Variants in PCSK2 observed in about 807,000 individuals in gnomAD.
The protein encoded by PCSK2 is proprotein convertase subtilisin/kexin type 2.
A neutral mutation model predicts 69.7 loss-of-function variants in PCSK2; 14 were observed. The ratio of observed to expected loss-of-function variants is 0.20; its 90% CI spans 0.13 to 0.31. The LOEUF is 0.31. PCSK2 is among the 10% of genes least tolerant of loss of function. PCSK2 has a pLI of 1.00. For synonymous variants in PCSK2, 307 were observed against 320.7 expected (o/e 0.96, Z 0.46); for missense variants, 544 against 842.5 (o/e 0.65, Z 4.39).
chr20:17,369,204 AC>A (rs2030685322), intron 4 of PCSK2, 35 bp from the exon 5 acceptor site: 11 of 1,602,496 alleles, frequency 6.9e-6, no homozygotes, highest in Non-Finnish European at 9.4e-6. Flanking sequence ...GCAGGTATTA[AC>A]CTTTGGTTCC....
intron 2 of PCSK2, among the ~76,000 whole-genome samples, chr20:17,261,692 A>G: frequency 6.6e-6 from 1 of 152,204 alleles, no homozygotes; most frequent in Admixed American, 6.5e-5. Flanking sequence ...ACCTGGGGAT[A>G]CCCTTGGGCA....
intron 4 of PCSK2, among the ~76,000 whole-genome samples, chr20:17,364,477 G>C (rs996411422): frequency 2.0e-5 from 3 of 152,136 alleles, no homozygotes; most frequent in East Asian, 3.9e-4. Flanking sequence ...CGATCATGGC[G>C]GGAGATGAAA....
At chr20:17,353,003 A>T (rs2123199289) in intron 2 of PCSK2, among the ~76,000 whole-genome samples, 1 of 152,284 alleles carries the variant, frequency 6.6e-6, no homozygotes. Context: ...CAAAAAAAAA[A>T]TCCCTATTTT....
intron 5 of PCSK2, among the ~76,000 whole-genome samples, chr20:17,394,645 A>G (rs1277457112): frequency 6.6e-6 from 1 of 152,186 alleles, no homozygotes; most frequent in Non-Finnish European, 1.5e-5. Flanking sequence ...GTCATCTCCA[A>G]AAGGTCTAGG....
At chr20:17,271,255 G>A (rs569275993) in intron 2 of PCSK2, among the ~76,000 whole-genome samples, 13 of 151,682 alleles carry the variant, frequency 8.6e-5, no homozygotes, top group African/African-American at 2.4e-4. Context: ...TTCTTGTCTC[G>A]GGGGAAATAT....
intron 2 of PCSK2, among the ~76,000 whole-genome samples, chr20:17,349,460 A>T (rs1479322837): frequency 6.6e-6 from 1 of 152,182 alleles, no homozygotes; most frequent in Non-Finnish European, 1.5e-5. Flanking sequence ...TTACTCTGTC[A>T]CTATCTGGTG....
chr20:17,326,747 G>A (rs1156255846), intron 2 of PCSK2, among the ~76,000 whole-genome samples: 1 of 152,176 alleles, frequency 6.6e-6, no homozygotes, highest in South Asian at 2.1e-4. Context: ...TACAAATGAC[G>A]GATTTGTTAT....
chr20:17,472,694 G>A (rs2033222761), intron 11 of PCSK2, among the ~76,000 whole-genome samples: 1 of 152,142 alleles, frequency 6.6e-6, no homozygotes, highest in African/African-American at 2.4e-5. Flanking sequence ...AGCCTCCTGA[G>A]TAGCTGGGAC....
In PCSK2 at chr20:17,349,409, A is replaced by G. The variant is rs371640893; in HGVS notation, c.283-8918A>G. Among the ~76,000 whole-genome samples, 5 of 152,318 alleles carry G rather than the reference A, an allele frequency of 3.3e-5. No homozygotes were observed. In the East Asian group the frequency reaches 5.8e-4, roughly 18 times the overall value. On this transcript the variant is annotated intron_variant, in intron 2 of 11. Transcript: ENST00000262545. Reference sequence around the variant, plus strand: ...CCAGCTTCCCAAAGCGTGAAACGAAACTTCCCAGCCCTGCCTCTAACACCT... The same window carrying G: ...CCAGCTTCCCAAAGCGTGAAACGAAGCTTCCCAGCCCTGCCTCTAACACCT...
chr20:17,435,018 G>T (rs1426149336), intron 7 of PCSK2, among the ~76,000 whole-genome samples: 1 of 152,124 alleles, frequency 6.6e-6, no homozygotes, highest in African/African-American at 2.4e-5. Flanking sequence ...TTAACATCTG[G>T]AAAGTTCAAA....
At chr20:17,479,163 A>G in intron 11 of PCSK2, 2 of 1,391,058 alleles carry the variant, frequency 1.4e-6, no homozygotes, top group Admixed American at 3.4e-5. Flanking sequence ...AGGTTCCATC[A>G]GATGTGGTAT....
At chr20:17,441,339 C>T (rs184750119) in intron 8 of PCSK2, among the ~76,000 whole-genome samples, 5 of 152,256 alleles carry the variant, frequency 3.3e-5, no homozygotes, top group Non-Finnish European at 7.4e-5. Context: ...CTAATAAAAC[C>T]CCTTTCTTTC....
At chr20:17,402,986 G>A (rs1177238336) in intron 5 of PCSK2, among the ~76,000 whole-genome samples, 1 of 152,052 alleles carries the variant, frequency 6.6e-6, no homozygotes, top group East Asian at 1.9e-4. Flanking sequence ...AAGAAGAAAA[G>A]AAAACATAAA....
intron 5 of PCSK2, among the ~76,000 whole-genome samples, chr20:17,381,958 A>G (rs1402225965): frequency 2.0e-5 from 3 of 152,198 alleles, no homozygotes; most frequent in South Asian, 4.1e-4. Flanking sequence ...AACAAAAAAT[A>G]TATTATCTGT....
At chr20:17,373,159 G>A (rs62201012) in intron 5 of PCSK2, among the ~76,000 whole-genome samples, 9,415 of 152,192 alleles carry the variant, frequency 0.062, 349 homozygotes, top group Middle Eastern at 0.2. Context: ...TAGGTTATTT[G>A]GAAGAGGATT....
At chr20:17,433,403 T>C (rs1417494689) in intron 7 of PCSK2, among the ~76,000 whole-genome samples, 6 of 152,196 alleles carry the variant, frequency 3.9e-5, no homozygotes, top group Non-Finnish European at 8.8e-5. Context: ...CTCCTTATCA[T>C]CCAGAGCTAA....
At chr20:17,432,860 T>A (rs2032396902) in intron 7 of PCSK2, among the ~76,000 whole-genome samples, 1 of 152,114 alleles carries the variant, frequency 6.6e-6, no homozygotes, top group African/African-American at 2.4e-5. Flanking sequence ...GGCGGACAGG[T>A]CCCCTGCCCC....
chr20:17,471,525 G>A (rs2033200828), intron 11 of PCSK2, among the ~76,000 whole-genome samples: 1 of 152,132 alleles, frequency 6.6e-6, no homozygotes, highest in African/African-American at 2.4e-5. Context: ...ATGAATGAGG[G>A]AATGAAAATA....
intron 2 of PCSK2, among the ~76,000 whole-genome samples, chr20:17,303,404 ATATATATGTATGG>A (rs1989161405): frequency 8.3e-6 from 1 of 119,832 alleles, no homozygotes; most frequent in Non-Finnish European, 1.7e-5. Flanking sequence ...AATATATGTA[ATATATATGTATGG>A]TTATATATTT....
Sources: gnomAD v4.1 joint callset for allele counts (sites outside exome capture counted in the v4.1 genomes callset) on GRCh38, gnomAD v4.1.1 for gene constraint, MANE v1.5 for transcripts, NCBI Gene and HGNC (gene_info 2026-07-23, HGNC 2026-07-21) for gene names.